CRCP: variants seen among roughly 807,000 people sequenced by gnomAD.
The protein encoded by CRCP is CGRP receptor component.
CRCP carries 18 observed loss-of-function variants against 18.5 expected under a neutral mutation model. That is an observed-to-expected ratio of 0.97 (90% CI 0.67 to 1.44). The LOEUF is 1.44. Ranked by LOEUF, CRCP falls within the 40% of genes most tolerant of loss-of-function variation. The pLI, the probability that CRCP is intolerant of heterozygous loss-of-function variation, is 0.00. For synonymous variants in CRCP, 53 were observed against 62.9 expected (o/e 0.84, Z 0.75); for missense variants, 130 against 176.4 (o/e 0.74, Z 1.49).
intron 5 of CRCP, among the ~76,000 whole-genome samples, chr7:66,151,384 A>G (rs1355451177): frequency 6.6e-6 from 1 of 152,096 alleles, no homozygotes; most frequent in Non-Finnish European, 1.5e-5. Context: ...CCTGGCCAAC[A>G]TGGTGAAACC....
At chr7:66,149,528 A>T (rs1788393261) in intron 5 of CRCP, among the ~76,000 whole-genome samples, 1 of 152,214 alleles carries the variant, frequency 6.6e-6, no homozygotes, top group East Asian at 1.9e-4. Context: ...TTGATTATTT[A>T]ACCTGGAGAA....
chr7:66,149,523 T>G (rs1376501243), intron 5 of CRCP, among the ~76,000 whole-genome samples: 1 of 152,192 alleles, frequency 6.6e-6, no homozygotes, highest in African/African-American at 2.4e-5. Flanking sequence ...AAGATTTGAT[T>G]ATTTAACCTG....
At position 66,120,134 on chromosome 7, in the gene CRCP, A is replaced by G. The variant is rs1164122067; in HGVS notation, c.8+5164A>G. Among the ~76,000 whole-genome samples, 4 of 152,124 alleles carry G rather than the reference A, an allele frequency of 2.6e-5. No homozygotes were observed. In the East Asian group the frequency reaches 5.8e-4, roughly 22 times the overall value. On this transcript the variant is annotated intron_variant, in intron 1 of 5. Coordinates refer to ENST00000395326, the MANE Select transcript of CRCP (RefSeq NM_014478.5). The stretch of plus-strand genomic sequence containing the variant: ...GGGAGGTGGAGCTTGCAGTGAGCCA[A>G]GATCGCACCACTGCACTCCAGCCTG...
chr7:66,146,868 C>T (rs190135647), intron 5 of CRCP, among the ~76,000 whole-genome samples: 3 of 152,256 alleles, frequency 2.0e-5, no homozygotes, highest in Admixed American at 2.0e-4. Flanking sequence ...CAGCAAGAAA[C>T]GAATCCCTGT....
chr7:66,141,144 A>G (rs1788124464), intron 4 of CRCP, among the ~76,000 whole-genome samples: 1 of 152,108 alleles, frequency 6.6e-6, no homozygotes, highest in Non-Finnish European at 1.5e-5. Context: ...CAGAAGAGGG[A>G]GCGGCAGGCT....
intron 5 of CRCP, among the ~76,000 whole-genome samples, chr7:66,151,671 C>CTG (rs1413679351): frequency 7.4e-5 from 3 of 40,270 alleles, no homozygotes; most frequent in Non-Finnish European, 1.3e-4. Context: ...CACCACTTCT[C>CTG]TCTGTGTGTG....
intron 1 of CRCP, among the ~76,000 whole-genome samples, chr7:66,122,876 C>G (rs1787488223): frequency 6.6e-6 from 1 of 151,880 alleles, no homozygotes; most frequent in Non-Finnish European, 1.5e-5. Context: ...GGACTTTTTT[C>G]TAGACAGTCT....
At chr7:66,127,331 C>T (rs894656605) in intron 1 of CRCP, among the ~76,000 whole-genome samples, 14 of 152,318 alleles carry the variant, frequency 9.2e-5, no homozygotes, top group Admixed American at 3.9e-4. Flanking sequence ...GGGAGCATGG[C>T]AGATATTTGG....
chr7:66,135,191 G>A (rs1233724490), intron 4 of CRCP, among the ~76,000 whole-genome samples: 2 of 152,102 alleles, frequency 1.3e-5, no homozygotes, highest in African/African-American at 4.8e-5. Flanking sequence ...GCCAAAATTG[G>A]TAGAACCAAT....
rs1788505465 is a variant in CRCP at position 66,152,459 on chromosome 7, C to A, written c.*102C>A. 1 of 1,349,772 alleles carries A rather than the reference C, an allele frequency of 7.4e-7. No individual in the cohort carries two copies. Among genetic ancestry groups the A allele is most frequent in the Non-Finnish European group, 1.0e-6 (1 of 984,360 alleles). The allele number at this position is 1,349,772 out of a possible 1,614,324, so 83.6% of individuals were successfully genotyped here. A position where few individuals can be genotyped will look rare whatever the true frequency, so the allele number is the denominator to read the frequency against. The stretch of plus-strand genomic sequence containing the variant: ...TATTTGATTTTTATCCTCATCCCAG[C>A]AGGCCTGGCTTTGTGGTTAGTTGGG... On this transcript the variant is annotated 3_prime_UTR_variant, in exon 6 of 6. Transcript: ENST00000395326.
rs955557548 is a variant in CRCP, at chr7:66,115,041, G to C, written c.8+71G>C. On this transcript the variant is annotated intron_variant, in intron 1 of 5. Coordinates refer to ENST00000395326, the MANE Select transcript of CRCP (RefSeq NM_014478.5). Reference sequence around the variant, plus strand: ...GTTTGACCGCTGAGAGCTGAGAGCCGAGAGCCGTGGGGACTGGGCGACCCT... The same window carrying C: ...GTTTGACCGCTGAGAGCTGAGAGCCCAGAGCCGTGGGGACTGGGCGACCCT... 18 of 1,571,552 alleles carry C rather than the reference G, an allele frequency of 1.1e-5. No individual in the cohort carries two copies. The African/African-American group carries it at 1.6e-4, about 14-fold the overall frequency.
At position 66,125,123 on chromosome 7, in the gene CRCP, A is replaced by C. The variant is rs1017993151; in HGVS notation, c.9-2581A>C. On this transcript the variant is annotated intron_variant, in intron 1 of 5. Coordinates refer to ENST00000395326, the MANE Select transcript of CRCP (RefSeq NM_014478.5). ...TTTGGAATTCTCTGATTATATCCTC[A>C]TGGATAGATTTGAATTAAACATCTT... is the stretch of plus-strand genomic sequence containing the variant. 1.5e-4 allele frequency among the ~76,000 whole-genome samples: 22 copies of C among 149,272 alleles called. 1 individual carries two copies. Among genetic ancestry groups the C allele is most frequent in the African/African-American group, 5.1e-4 (21 of 41,240 alleles).
chr7:66,130,714 C>T (rs1429466428), intron 2 of CRCP, 30 bp from the exon 3 acceptor site: 2 of 1,335,158 alleles, frequency 1.5e-6, no homozygotes, highest in South Asian at 1.2e-5. Flanking sequence ...CAAATTTATT[C>T]ATAAACGTCT....
intron 4 of CRCP, among the ~76,000 whole-genome samples, chr7:66,140,395 CTTT>C (rs34069697): frequency 2.1e-5 from 3 of 142,822 alleles, no homozygotes. Flanking sequence ...CTTTTCTTTT[CTTT>C]TTTTTTTTTT....
chr7:66,145,643 T>G, intron 5 of CRCP, 143 bp downstream of exon 5: 1 of 781,860 alleles, frequency 1.3e-6, no homozygotes, highest in South Asian at 1.5e-5. Context: ...CTTGCCAGTT[T>G]GATCCTAGTT....
intron 4 of CRCP, among the ~76,000 whole-genome samples, chr7:66,138,477 C>G (rs146241057): frequency 1.9e-3 from 295 of 152,090 alleles, no homozygotes; most frequent in African/African-American, 6.9e-3. Flanking sequence ...TTTTATCCCC[C>G]TCTACTCCTA....
At chr7:66,127,594 C>T in intron 1 of CRCP, 110 bp from the exon 2 acceptor site, 2 of 1,277,864 alleles carry the variant, frequency 1.6e-6, no homozygotes, top group Non-Finnish European at 2.2e-6. Context: ...GTTGTAGTCC[C>T]TAAATTCAAA....
At chr7:66,132,274 G>A (rs1422263121) in intron 3 of CRCP, among the ~76,000 whole-genome samples, 1 of 152,134 alleles carries the variant, frequency 6.6e-6, no homozygotes, top group East Asian at 1.9e-4. Flanking sequence ...TTCAGTTCAG[G>A]ATACCATTTT....
At chr7:66,151,640 G>A (rs989590479) in intron 5 of CRCP, among the ~76,000 whole-genome samples, 5 of 145,566 alleles carry the variant, frequency 3.4e-5, no homozygotes, top group Non-Finnish European at 7.4e-5. Context: ...TAACTTCTTC[G>A]AGATGCATAT....
Sources: gnomAD v4.1 joint callset for allele counts (sites outside exome capture counted in the v4.1 genomes callset) on GRCh38, gnomAD v4.1.1 for gene constraint, MANE v1.5 for transcripts, NCBI Gene and HGNC (gene_info 2026-07-23, HGNC 2026-07-21) for gene names.